Variants in NOL10 observed in about 807,000 individuals in gnomAD.
The protein encoded by NOL10 is nucleolar protein 10.
A neutral mutation model predicts 103.5 loss-of-function variants in NOL10; 58 were observed. The ratio of observed to expected loss-of-function variants is 0.56; its 90% CI spans 0.45 to 0.70. NOL10 has a LOEUF of 0.70. NOL10 is among the 30% of genes least tolerant of loss of function. NOL10 has a pLI of 0.00. For synonymous variants in NOL10, 287 were observed against 282.5 expected (o/e 1.02, Z -0.16); for missense variants, 763 against 807.3 (o/e 0.95, Z 0.67).
At position 10,577,684 on chromosome 2, in the gene NOL10, T is replaced by C. The variant is rs1674527973; in HGVS notation, c.1899A>G (p.Val633=). 6.2e-7 allele frequency: 1 copy of C among 1,613,182 alleles called. No individual in the cohort carries two copies. Among genetic ancestry groups the C allele is most frequent in the Admixed American group, 1.7e-5 (1 of 59,930 alleles). The change falls in exon 20 of 21, where the codon GTA becomes GTG. Residue 633 remains valine, a synonymous_variant. Coordinates refer to ENST00000381685, the MANE Select transcript of NOL10 (RefSeq NM_024894.4). ...KIEAKNGTLS[V]SDTTVGSKQL... The stretch of plus-strand genomic sequence containing the variant: ...GTTTGCTGCCAACGGTGGTGTCGGA[T>C]ACACTCAATGTCCCATTTTTTGCTT...
intron 17 of NOL10, among the ~76,000 whole-genome samples, chr2:10,600,074 C>T (rs1315571928): frequency 6.6e-6 from 1 of 152,132 alleles, no homozygotes; most frequent in African/African-American, 2.4e-5. Context: ...CAGCTCCTTA[C>T]TCATTAGGTT....
chr2:10,646,252 C>T lies in NOL10; in HGVS notation c.974-1880G>A, dbSNP rs182262363. On this transcript the variant is annotated intron_variant, in intron 12 of 20. Coordinates refer to ENST00000381685, the MANE Select transcript of NOL10 (RefSeq NM_024894.4). ...GCAGTTCTGGAGACAGAAGCCACAT[C>T]TTCACAACCAAAAGGAAGGTTCCTA... 2.7e-3 allele frequency among the ~76,000 whole-genome samples: 418 copies of T among 152,330 alleles called. 1 individual carries two copies. Among genetic ancestry groups the T allele is most frequent in the Middle Eastern group, 3.4e-3 (1 of 292 alleles).
rs577603925 is a variant in NOL10, at chr2:10,673,496, ACAAAC to A, written c.327+19_327+23del. The A allele has an allele frequency of 3.3e-3, 5,091 of 1,555,710 alleles. 28 individuals carry two copies. The highest frequency in any genetic ancestry group is 0.015 in the Admixed American group (807 of 54,208). On this transcript the variant is annotated intron_variant, in intron 5 of 20. Transcript: ENST00000381685. ...CACTCATTTCTTGGGTCTAGTCAGT[ACAAAC>A]CAATGCTATAAAACATACCTTTGAG...
At chr2:10,689,774 A>T (rs779714696) in intron 1 of NOL10, 22 bp downstream of exon 1, 105 of 1,591,280 alleles carry the variant, frequency 6.6e-5, no homozygotes, top group Non-Finnish European at 8.6e-5. Context: ...CTCGAGAGTG[A>T]GGGGGCCGGG....
chr2:10,626,061 A>C (rs1282963422), intron 13 of NOL10, among the ~76,000 whole-genome samples: 1 of 152,018 alleles, frequency 6.6e-6, no homozygotes, highest in African/African-American at 2.4e-5. Flanking sequence ...ATGTGCCTGT[A>C]GTCCCAGCTG....
intron 1 of NOL10, among the ~76,000 whole-genome samples, chr2:10,686,351 A>C (rs914436141): frequency 2.6e-5 from 4 of 152,184 alleles, no homozygotes; most frequent in African/African-American, 9.6e-5. Context: ...CTACGGCAGG[A>C]GTGTGCCTGG....
intron 1 of NOL10, among the ~76,000 whole-genome samples, chr2:10,688,861 C>A (rs1220032598): frequency 6.6e-6 from 1 of 152,144 alleles, no homozygotes; most frequent in South Asian, 2.1e-4. Flanking sequence ...TTATTCAAAC[C>A]AGAATTTTAG....
chr2:10,659,341 T>A, intron 9 of NOL10, 91 bp from the exon 10 acceptor site: 2 of 248,238 alleles, frequency 8.1e-6, no homozygotes, highest in South Asian at 5.0e-5. Flanking sequence ...TCAAATCTAA[T>A]GGGGGGGGGG....
chr2:10,593,180 G>A (rs1675487645), intron 17 of NOL10, among the ~76,000 whole-genome samples: 1 of 150,116 alleles, frequency 6.7e-6, no homozygotes, highest in East Asian at 2.0e-4. Context: ...GCTCTGTCAC[G>A]CAGGCTGGAG....
chr2:10,648,510 AG>A (rs1679238993), intron 12 of NOL10, among the ~76,000 whole-genome samples: 1 of 152,180 alleles, frequency 6.6e-6, no homozygotes, highest in South Asian at 2.1e-4. Flanking sequence ...ACGAGTTATT[AG>A]ATAGTAACAG....
rs931504381 is a variant in NOL10, at chr2:10,626,237, C to A, written c.1026+18083G>T. 2.0e-5 allele frequency among the ~76,000 whole-genome samples: 3 copies of A among 152,148 alleles called. No individual in the cohort carries two copies. The East Asian group carries it at 5.8e-4, about 29-fold the overall frequency. On this transcript the variant is annotated intron_variant, in intron 13 of 20. Transcript: ENST00000381685. ...AAGGGTCAATATTCATTACTTTAAA[C>A]CAGCATGCATGGAGTCAATGAAAGC...
At chr2:10,680,276 AAAG>A (rs200429086) in intron 3 of NOL10, among the ~76,000 whole-genome samples, 1,589 of 140,546 alleles carry the variant, frequency 0.011, 68 homozygotes, top group African/African-American at 0.04. Context: ...GACTCTTAAA[AAAG>A]AAGGAGAAGA....
intron 13 of NOL10, among the ~76,000 whole-genome samples, chr2:10,610,224 G>A (rs1040589412): frequency 6.6e-6 from 1 of 152,066 alleles, no homozygotes; most frequent in African/African-American, 2.4e-5. Context: ...GGGCTTCAAA[G>A]ACAATAAAAA....
chr2:10,618,244 T>TAA (rs140578202), intron 13 of NOL10, among the ~76,000 whole-genome samples: 44,733 of 111,150 alleles, frequency 0.4, 7,294 homozygotes, highest in Non-Finnish European at 0.44. Context: ...AGCTGTTTTT[T>TAA]TAAAAAAAAA....
chr2:10,596,684 T>C (rs10168351), intron 17 of NOL10, among the ~76,000 whole-genome samples: 46,258 of 151,988 alleles, frequency 0.3, 7,767 homozygotes, highest in Non-Finnish European at 0.39. Flanking sequence ...CCCAGACCAG[T>C]ACCATGGCCT....
chr2:10,639,974 C>A lies in NOL10; in HGVS notation c.1026+4346G>T, dbSNP rs116525388. On this transcript the variant is annotated intron_variant, in intron 13 of 20. Coordinates refer to ENST00000381685, the MANE Select transcript of NOL10 (RefSeq NM_024894.4). ...GTGCCAGAAGGTGGTGTATCAGGAA[C>A]TGCATTAGTTTATAAAGATTTCAAT... Among the ~76,000 whole-genome samples, 900 of 152,242 alleles carry A rather than the reference C, an allele frequency of 5.9e-3. 20 individuals carry two copies. The highest frequency in any genetic ancestry group is 0.02 in the African/African-American group (842 of 41,560).
intron 13 of NOL10, among the ~76,000 whole-genome samples, chr2:10,629,324 T>A (rs1011650723): frequency 3.9e-5 from 6 of 152,236 alleles, no homozygotes; most frequent in African/African-American, 1.4e-4. Flanking sequence ...TTTTCTGATA[T>A]TTATGTATTT....
chr2:10,644,276 T>A (rs1279351072), intron 13 of NOL10, 44 bp downstream of exon 13: 5 of 1,315,072 alleles, frequency 3.8e-6, no homozygotes, highest in Non-Finnish European at 4.1e-6. Context: ...AAAAGTATCT[T>A]TGCTTGTCCT....
chr2:10,588,978 G>A (rs1469571785), intron 19 of NOL10, 65 bp downstream of exon 19: 11 of 1,584,270 alleles, frequency 6.9e-6, no homozygotes, highest in Non-Finnish European at 9.4e-6. Context: ...TTAGGGCAAT[G>A]TGCCAGAGAG....
Sources: allele counts gnomAD v4.1 joint callset (sites outside exome capture counted in the v4.1 genomes callset), GRCh38; gene constraint gnomAD v4.1.1; transcripts MANE v1.5; gene names NCBI Gene and HGNC (gene_info 2026-07-23, HGNC 2026-07-21).